Variants in MRTFA observed in about 807,000 individuals in gnomAD.
MRTFA encodes the protein myocardin-related transcription factor A.
Under a neutral mutation model 83.5 loss-of-function variants are expected in MRTFA, and 20 were observed. The observed-to-expected ratio is 0.24, with a 90% CI of 0.17 to 0.35. MRTFA has a LOEUF of 0.35. MRTFA is among the 10% of genes least tolerant of loss of function. MRTFA has a pLI of 1.00. For synonymous variants in MRTFA, 659 were observed against 541.2 expected, an observed-to-expected ratio of 1.22 and a Z score of -3.02; for missense variants, 1,200 against 1,224.7, an observed-to-expected ratio of 0.98 and a Z score of 0.30.
chr22:40,491,825 T>C (rs375540642), intron 3 of MRTFA, among the ~76,000 whole-genome samples: 12 of 152,316 alleles, frequency 7.9e-5, no homozygotes, highest in Middle Eastern at 3.4e-3. Flanking sequence ...CAGTTATCTA[T>C]TTGTTGGGTG....
chr22:40,413,257 G>A (rs988652701), intron 14 of MRTFA, among the ~76,000 whole-genome samples: 1 of 151,294 alleles, frequency 6.6e-6, no homozygotes, highest in Non-Finnish European at 1.5e-5. Flanking sequence ...AGGAGTTTGA[G>A]AGCAGCCTGG....
chr22:40,545,033 G>GTA (rs140878226), intron 3 of MRTFA, among the ~76,000 whole-genome samples: 1,824 of 150,962 alleles, frequency 0.012, 21 homozygotes, highest in Non-Finnish European at 0.019. Flanking sequence ...AAAATCATTG[G>GTA]TATATATATA....
At chr22:40,602,105 G>A (rs1178269745) in intron 1 of MRTFA, among the ~76,000 whole-genome samples, 2 of 152,240 alleles carry the variant, frequency 1.3e-5, no homozygotes, top group Non-Finnish European at 2.9e-5. Flanking sequence ...AAGCACCTAC[G>A]AAGAAGAACA....
intron 3 of MRTFA, among the ~76,000 whole-genome samples, chr22:40,503,382 G>C (rs1824493609): frequency 6.6e-6 from 1 of 152,180 alleles, no homozygotes; most frequent in African/African-American, 2.4e-5. Flanking sequence ...GCTAACTTTT[G>C]TACTTTTAGT....
At chr22:40,563,240 T>C (rs2055655340) in intron 2 of MRTFA, among the ~76,000 whole-genome samples, 1 of 152,110 alleles carries the variant, frequency 6.6e-6, no homozygotes, top group African/African-American at 2.4e-5. Flanking sequence ...CTTCTCTTTA[T>C]TATCCATCCC....
At chr22:40,507,514 A>G (rs2054598597) in intron 3 of MRTFA, among the ~76,000 whole-genome samples, 1 of 151,728 alleles carries the variant, frequency 6.6e-6, no homozygotes, top group Admixed American at 6.6e-5. Context: ...CCTAGCTATT[A>G]GAGAGGCTGA....
At chr22:40,615,686 C>CTTTTTT (rs59431175) in intron 1 of MRTFA, among the ~76,000 whole-genome samples, 6 of 142,318 alleles carry the variant, frequency 4.2e-5, no homozygotes, top group Non-Finnish European at 4.6e-5. Flanking sequence ...ATTTTCTTTT[C>CTTTTTT]TTTTTTTTTT....
intron 14 of MRTFA, chr22:40,412,454 A>C (rs995889621): frequency 2.0e-5 from 3 of 152,282 alleles, no homozygotes; most frequent in African/African-American, 7.2e-5. Context: ...TAGAATTACC[A>C]TATGATCTAG....
chr22:40,422,258 G>A (rs2052856958), intron 9 of MRTFA, among the ~76,000 whole-genome samples: 1 of 152,122 alleles, frequency 6.6e-6, no homozygotes, highest in Non-Finnish European at 1.5e-5. Context: ...CCCAACAGCT[G>A]GGCCAGGAGC....
At chr22:40,538,817 G>T (rs1040608468) in intron 3 of MRTFA, among the ~76,000 whole-genome samples, 1 of 152,044 alleles carries the variant, frequency 6.6e-6, no homozygotes, top group African/African-American at 2.4e-5. Flanking sequence ...CACAAATGAA[G>T]ATGACTTCAA....
intron 1 of MRTFA, among the ~76,000 whole-genome samples, chr22:40,600,626 C>T (rs1039047752): frequency 2.6e-5 from 4 of 152,096 alleles, no homozygotes; most frequent in African/African-American, 9.7e-5. Flanking sequence ...AGAATTCAAC[C>T]GAACATGCTC....
At chr22:40,552,806 A>G (rs768235126) in intron 2 of MRTFA, among the ~76,000 whole-genome samples, 11 of 152,336 alleles carry the variant, frequency 7.2e-5, no homozygotes, top group Non-Finnish European at 1.2e-4. Flanking sequence ...GGATGCTGCT[A>G]TAAGGATACC....
At chr22:40,561,061 C>CTAAA (rs2147327917) in intron 2 of MRTFA, among the ~76,000 whole-genome samples, 1 of 151,502 alleles carries the variant, frequency 6.6e-6, no homozygotes, top group South Asian at 2.1e-4. Context: ...AATGAACTTT[C>CTAAA]TTTTAGCTGG....
chr22:40,487,729 G>A (rs984241518), intron 3 of MRTFA, among the ~76,000 whole-genome samples: 1 of 152,202 alleles, frequency 6.6e-6, no homozygotes, highest in African/African-American at 2.4e-5. Flanking sequence ...GAACAGATGT[G>A]AGTTCCTTCT....
At chr22:40,441,634 A>G (rs1017977942) in intron 4 of MRTFA, among the ~76,000 whole-genome samples, 1 of 152,010 alleles carries the variant, frequency 6.6e-6, no homozygotes, top group Non-Finnish European at 1.5e-5. Flanking sequence ...TAAAAATACA[A>G]AAATTAGCTG....
Position 40,424,190 on chromosome 22 carries a change from G to T in MRTFA, c.777+16C>A. ...GCACCTTGGAGCTGGGGAAGCATCTGGAAGCACACACTCACCTGGGTGGGG... is the reference window on the plus strand; with the variant it reads ...GCACCTTGGAGCTGGGGAAGCATCTTGAAGCACACACTCACCTGGGTGGGG... On this transcript the variant is annotated intron_variant, in intron 8 of 14. Transcript: ENST00000355630. 1 of 1,581,772 alleles carries T rather than the reference G, an allele frequency of 6.3e-7. No homozygotes were observed. Among genetic ancestry groups the T allele is most frequent in the Non-Finnish European group, 8.6e-7 (1 of 1,167,248 alleles).
chr22:40,509,345 C>T (rs2054630567), intron 3 of MRTFA, among the ~76,000 whole-genome samples: 1 of 152,182 alleles, frequency 6.6e-6, no homozygotes, highest in Admixed American at 6.5e-5. Context: ...GTATTTTGTA[C>T]ACAGAATATA....
intron 1 of MRTFA, among the ~76,000 whole-genome samples, chr22:40,614,704 C>A (rs952135840): frequency 6.6e-6 from 1 of 152,156 alleles, no homozygotes; most frequent in African/African-American, 2.4e-5. Context: ...TCAGGCTGGT[C>A]TCAAACTCTC....
intron 1 of MRTFA, among the ~76,000 whole-genome samples, chr22:40,596,649 A>G (rs757050273): frequency 5.3e-5 from 8 of 152,164 alleles, no homozygotes; most frequent in Non-Finnish European, 1.0e-4. Context: ...TAAATACAAA[A>G]TACAAAAATT....
Sources: gnomAD v4.1 joint callset for allele counts (sites outside exome capture counted in the v4.1 genomes callset) on GRCh38, gnomAD v4.1.1 for gene constraint, MANE v1.5 for transcripts, NCBI Gene and HGNC (gene_info 2026-07-23, HGNC 2026-07-21) for gene names.